NELL1: variants seen among roughly 807,000 people sequenced by gnomAD.
NELL1 encodes the protein protein kinase C-binding protein NELL1.
Under a neutral mutation model 107.4 loss-of-function variants are expected in NELL1, and 76 were observed. The observed-to-expected ratio is 0.71, with a 90% CI of 0.59 to 0.86. The LOEUF (loss-of-function observed/expected upper bound fraction) is 0.86, where lower values mean the gene tolerates loss of function less well. Ranked by LOEUF, NELL1 falls within the 40% of genes least tolerant of loss-of-function variation. The pLI, the probability that NELL1 is intolerant of heterozygous loss-of-function variation, is 0.00. For missense variants in NELL1, 1,024 were observed against 1,005.5 expected, an observed-to-expected ratio of 1.02 and a Z score of -0.25; for synonymous variants, 353 against 341.2, an observed-to-expected ratio of 1.03 and a Z score of -0.38.
intron 3 of NELL1, among the ~76,000 whole-genome samples, chr11:20,820,607 GC>G (rs1857727949): frequency 6.6e-6 from 1 of 152,004 alleles, no homozygotes; most frequent in African/African-American, 2.4e-5. Flanking sequence ...TTCATCTCCT[GC>G]CCCTACTACA....
intron 13 of NELL1, among the ~76,000 whole-genome samples, chr11:21,113,981 A>G (rs1296251634): frequency 6.6e-6 from 1 of 152,008 alleles, no homozygotes; most frequent in Non-Finnish European, 1.5e-5. Context: ...TGCCAATAGT[A>G]ACACTGAGGG....
intron 2 of NELL1, among the ~76,000 whole-genome samples, chr11:20,734,745 G>A (rs1370856218): frequency 6.6e-6 from 1 of 152,162 alleles, no homozygotes; most frequent in Non-Finnish European, 1.5e-5. Context: ...AGGAGAGATT[G>A]GGCTGGAGGT....
chr11:20,914,870 TCAGA>T (rs1850211241), intron 5 of NELL1, among the ~76,000 whole-genome samples: 1 of 152,024 alleles, frequency 6.6e-6, no homozygotes, highest in Non-Finnish European at 1.5e-5. Context: ...CAAAATGACC[TCAGA>T]CAGTTTTCAA....
chr11:20,974,565 T>C (rs1851566282), intron 12 of NELL1, among the ~76,000 whole-genome samples: 1 of 152,206 alleles, frequency 6.6e-6, no homozygotes, highest in Admixed American at 6.5e-5. Context: ...GAAATAATAT[T>C]TTCTCTGAAT....
Position 21,472,817 on chromosome 11 carries a change from GCCTTC to G in NELL1, c.1646-61542_1646-61538del, listed in dbSNP as rs576692570. On this transcript the variant is annotated intron_variant, in intron 15 of 19. Coordinates refer to ENST00000357134, the MANE Select transcript of NELL1 (RefSeq NM_006157.5). Reference sequence around the variant, plus strand: ...CTCACTCGTCCCCTTCCCTCCCCTTGCCTTCCCTTCCCTTCCCTTTCCTTCCCTTC... The same window carrying G: ...CTCACTCGTCCCCTTCCCTCCCCTTGCCTTCCCTTCCCTTTCCTTCCCTTC... Among the ~76,000 whole-genome samples the G allele has an allele frequency of 8.8e-3, 1,335 of 151,476 alleles. 14 individuals are homozygous for G. The highest frequency in any genetic ancestry group is 0.024 in the African/African-American group (985 of 41,352).
At chr11:21,488,204 G>T (rs535163302) in intron 15 of NELL1, among the ~76,000 whole-genome samples, 3 of 151,820 alleles carry the variant, frequency 2.0e-5, no homozygotes, top group African/African-American at 7.2e-5. Flanking sequence ...ACATTTTATT[G>T]AACAACTACA....
chr11:21,323,371 T>C (rs1022528923), intron 14 of NELL1, among the ~76,000 whole-genome samples: 1 of 152,146 alleles, frequency 6.6e-6, no homozygotes, highest in Non-Finnish European at 1.5e-5. Context: ...AAGCTAATAA[T>C]AAGGACAGGG....
At chr11:21,385,748 A>C (rs548397072) in intron 15 of NELL1, among the ~76,000 whole-genome samples, 55 of 152,024 alleles carry the variant, frequency 3.6e-4, no homozygotes, top group Admixed American at 1.6e-3. Context: ...ATAAACACCA[A>C]CCTTCTTACA....
intron 14 of NELL1, among the ~76,000 whole-genome samples, chr11:21,296,040 G>C (rs1849367993): frequency 6.6e-6 from 1 of 151,950 alleles, no homozygotes; most frequent in Non-Finnish European, 1.5e-5. Context: ...ATACACAATA[G>C]ATGTAAATGA....
chr11:20,898,596 CACATCCACGTCA>C, intron 5 of NELL1, among the ~76,000 whole-genome samples: 1 of 151,150 alleles, frequency 6.6e-6, no homozygotes. Context: ...CTCTTTTCAC[CACATCCACGTCA>C]ACATCTATTT....
chr11:21,559,078 G>A (rs1856790846), intron 16 of NELL1, among the ~76,000 whole-genome samples: 1 of 152,056 alleles, frequency 6.6e-6, no homozygotes, highest in Admixed American at 6.6e-5. Flanking sequence ...GCTAAAATTG[G>A]TAAGACAAAG....
intron 5 of NELL1, among the ~76,000 whole-genome samples, chr11:20,901,590 C>A (rs966353758): frequency 1.2e-4 from 18 of 148,960 alleles, no homozygotes; most frequent in African/African-American, 4.5e-4. Flanking sequence ...TGGACTCTGA[C>A]AAGCTGATGC....
chr11:20,998,227 G>A (rs561751900), intron 12 of NELL1, among the ~76,000 whole-genome samples: 5 of 152,116 alleles, frequency 3.3e-5, no homozygotes, highest in African/African-American at 1.2e-4. Flanking sequence ...TTATAGCCCT[G>A]TTTTCAATAA....
chr11:20,884,294 G>T (rs1386764844), intron 4 of NELL1, among the ~76,000 whole-genome samples: 4 of 152,238 alleles, frequency 2.6e-5, no homozygotes, highest in Admixed American at 2.6e-4. Flanking sequence ...ACCACCGGAG[G>T]AATACATCGC....
At chr11:21,039,597 C>T (rs981878646) in intron 12 of NELL1, among the ~76,000 whole-genome samples, 3 of 152,168 alleles carry the variant, frequency 2.0e-5, no homozygotes, top group Non-Finnish European at 4.4e-5. Context: ...GAGCAAAATT[C>T]AGTATTCTGG....
In NELL1 at chr11:21,155,633, A is replaced by T. The variant is rs192357803; in HGVS notation, c.1426+41919A>T. 1.7e-3 allele frequency among the ~76,000 whole-genome samples: 255 copies of T among 152,278 alleles called. 2 individuals carry two copies. Among genetic ancestry groups the T allele is most frequent in the African/African-American group, 5.9e-3 (245 of 41,564 alleles). ...TAAAACCCCCCTTGGTTTGGTATTT[A>T]GGAGTGCATTGTGACCCTTGCCAAG... is the stretch of plus-strand genomic sequence containing the variant. On this transcript the variant is annotated intron_variant, in intron 13 of 19. Transcript: ENST00000357134.
intron 15 of NELL1, among the ~76,000 whole-genome samples, chr11:21,371,817 G>C (rs1232140981): frequency 1.3e-5 from 2 of 151,974 alleles, no homozygotes; most frequent in African/African-American, 4.8e-5. Context: ...TGACGGGGGA[G>C]GTGTCTTCAT....
intron 15 of NELL1, among the ~76,000 whole-genome samples, chr11:21,376,507 CT>C (rs1218237067): frequency 1.3e-5 from 2 of 152,000 alleles, no homozygotes; most frequent in Non-Finnish European, 2.9e-5. Flanking sequence ...GTTCCTTATG[CT>C]TAGCATTGCT....
intron 2 of NELL1, among the ~76,000 whole-genome samples, chr11:20,715,470 G>A (rs1855228003): frequency 6.6e-6 from 1 of 152,150 alleles, no homozygotes; most frequent in South Asian, 2.1e-4. Context: ...AGCTGTTATG[G>A]CAGACATAGG....
Sources: gnomAD v4.1 joint callset for allele counts (sites outside exome capture counted in the v4.1 genomes callset) on GRCh38, gnomAD v4.1.1 for gene constraint, MANE v1.5 for transcripts, NCBI Gene and HGNC (gene_info 2026-07-23, HGNC 2026-07-21) for gene names.